USP34: variants seen among roughly 807,000 people sequenced by gnomAD.
USP34 encodes the protein ubiquitin specific peptidase 34, also known as ubiquitin carboxyl-terminal hydrolase 34.
USP34 carries 70 observed loss-of-function variants against 460.3 expected under a neutral mutation model. The observed-to-expected ratio is 0.15, with a 90% CI of 0.13 to 0.19. The LOEUF (loss-of-function observed/expected upper bound fraction) is 0.19. Ranked by LOEUF, USP34 falls within the 10% of genes least tolerant of loss-of-function variation. USP34 has a pLI of 1.00. For missense variants in USP34, 3,985 were observed against 4,236.2 expected (o/e 0.94, Z 1.65); for synonymous variants, 1,647 against 1,405.3 (o/e 1.17, Z -3.85).
chr2:61,469,711 G>C (rs944891834), intron 1 of USP34, among the ~76,000 whole-genome samples: 5 of 152,192 alleles, frequency 3.3e-5, no homozygotes, highest in African/African-American at 1.2e-4. Flanking sequence ...CACATAAACT[G>C]TTCATAAGTG....
At chr2:61,355,902 G>A (rs1285586080) in intron 10 of USP34, among the ~76,000 whole-genome samples, 2 of 152,234 alleles carry the variant, frequency 1.3e-5, no homozygotes, top group Non-Finnish European at 1.5e-5. Context: ...TAATGTGAAA[G>A]GACAGAAAAA....
intron 20 of USP34, among the ~76,000 whole-genome samples, chr2:61,330,680 C>G (rs1691232677): frequency 6.6e-6 from 1 of 152,180 alleles, no homozygotes; most frequent in Non-Finnish European, 1.5e-5. Context: ...CAGAAATCTT[C>G]TGAATCTCCT....
Position 61,194,334 on chromosome 2 carries a change from C to G in USP34, c.9509-1354G>C. 17 of 980,802 alleles carry G rather than the reference C, an allele frequency of 1.7e-5. No individual in the cohort carries two copies. The South Asian group carries it at 2.4e-4, about 14-fold the overall frequency. 60.8% of individuals were successfully genotyped at this position (980,802 alleles called of 1,614,324 possible). Reference sequence around the variant, plus strand: ...CGGTATCACCACACACATAGGTAAACAAGGACATGTCATCACATCTGTGGC... The same window carrying G: ...CGGTATCACCACACACATAGGTAAAGAAGGACATGTCATCACATCTGTGGC... On this transcript the variant is annotated intron_variant, in intron 75 of 79. Transcript: ENST00000398571.
chr2:61,328,432 T>C (rs1463518228), intron 20 of USP34, among the ~76,000 whole-genome samples: 1 of 152,148 alleles, frequency 6.6e-6, no homozygotes, highest in Non-Finnish European at 1.5e-5. Flanking sequence ...ATTTCAGAAC[T>C]TTCCTATTTT....
chr2:61,323,584 G>A (rs889576645), intron 21 of USP34, among the ~76,000 whole-genome samples: 1 of 152,036 alleles, frequency 6.6e-6, no homozygotes, highest in African/African-American at 2.4e-5. Context: ...TCTGGAGACT[G>A]AGGTGGGAGG....
At chr2:61,280,749 A>G (rs1162770854) in intron 38 of USP34, among the ~76,000 whole-genome samples, 1 of 152,194 alleles carries the variant, frequency 6.6e-6, no homozygotes, top group African/African-American at 2.4e-5. Context: ...CATAAAGATA[A>G]AAAGAAAACT....
intron 1 of USP34, among the ~76,000 whole-genome samples, chr2:61,423,344 A>G (rs1013415229): frequency 2.0e-5 from 3 of 152,082 alleles, no homozygotes; most frequent in South Asian, 2.1e-4. Context: ...ACTCCTGATC[A>G]TAAGTGATAT....
At chr2:61,326,318 G>A (rs970113660) in intron 20 of USP34, among the ~76,000 whole-genome samples, 2 of 152,042 alleles carry the variant, frequency 1.3e-5, no homozygotes, top group African/African-American at 2.4e-5. Flanking sequence ...AGTGATTCTC[G>A]TGCCTTAGCC....
At chr2:61,309,614 A>T (rs1403783980) in intron 27 of USP34, among the ~76,000 whole-genome samples, 1 of 152,176 alleles carries the variant, frequency 6.6e-6, no homozygotes, top group Non-Finnish European at 1.5e-5. Flanking sequence ...AGTGCTAGTG[A>T]GATTCCTGCT....
intron 68 of USP34, among the ~76,000 whole-genome samples, chr2:61,213,523 C>T (rs1381914085): frequency 6.6e-6 from 1 of 152,142 alleles, no homozygotes. Flanking sequence ...TAATATAAAA[C>T]CTACAAGTAA....
chr2:61,193,594 C>T (rs1187503179), intron 75 of USP34, among the ~76,000 whole-genome samples: 2 of 152,100 alleles, frequency 1.3e-5, no homozygotes, highest in East Asian at 1.9e-4. Context: ...TTGACTATTC[C>T]AGATGTAAAA....
chr2:61,466,746 T>C lies in USP34; in HGVS notation c.43+3904A>G, dbSNP rs933851096. On this transcript the variant is annotated intron_variant, in intron 1 of 79. Coordinates refer to ENST00000398571, the MANE Select transcript of USP34 (RefSeq NM_014709.4). ...GGCCAACATGGCAAAATCCCACCTC[T>C]ACTAAAAATACAAAAATTAGCCAGG... Among the ~76,000 whole-genome samples, 4 of 151,982 alleles carry C rather than the reference T, an allele frequency of 2.6e-5. No individual in the cohort carries two copies. The East Asian group carries it at 7.7e-4, about 29-fold the overall frequency.
At chr2:61,371,539 T>TTA (rs1167557239) in intron 8 of USP34, among the ~76,000 whole-genome samples, 1 of 151,818 alleles carries the variant, frequency 6.6e-6, no homozygotes, top group Non-Finnish European at 1.5e-5. Flanking sequence ...GTTTTAAATG[T>TTA]TATTATAAGA....
At chr2:61,205,062 T>C (rs1328867128) in intron 72 of USP34, among the ~76,000 whole-genome samples, 1 of 152,168 alleles carries the variant, frequency 6.6e-6, no homozygotes, top group Non-Finnish European at 1.5e-5. Context: ...CTTGCTATGT[T>C]GCCCAGGCTG....
Position 61,187,841 on chromosome 2 carries a change from T to A in USP34, c.*261A>T, listed in dbSNP as rs1405495321. The stretch of plus-strand genomic sequence containing the variant: ...ACCCTGTTCTTCCCAGACAGCCATA[T>A]TAAATGAAAGCCACTAAAGTGAACT... On this transcript the variant is annotated 3_prime_UTR_variant, in exon 80 of 80. Coordinates refer to ENST00000398571, the MANE Select transcript of USP34 (RefSeq NM_014709.4). 1.6e-6 allele frequency: 2 copies of A among 1,212,776 alleles called. No individual in the cohort carries two copies. Among genetic ancestry groups the A allele is most frequent in the East Asian group, 7.5e-5 (2 of 26,536 alleles). The allele number at this position is 1,212,776 out of a possible 1,614,324, so 75.1% of individuals were successfully genotyped here.
At chr2:61,190,037 C>T (rs1558456293) in intron 78 of USP34, 2 of 418,892 alleles carry the variant, frequency 4.8e-6, no homozygotes, top group Non-Finnish European at 8.2e-6. Context: ...AAGATGTTCC[C>T]TTTATTACCT....
chr2:61,459,389 T>C (rs1695533367), intron 1 of USP34, among the ~76,000 whole-genome samples: 1 of 152,190 alleles, frequency 6.6e-6, no homozygotes, highest in Non-Finnish European at 1.5e-5. Context: ...GCTACAGAAG[T>C]GTATTATCAT....
intron 1 of USP34, among the ~76,000 whole-genome samples, chr2:61,453,399 G>A (rs1443764948): frequency 2.0e-5 from 3 of 151,412 alleles, no homozygotes; most frequent in South Asian, 4.2e-4. Flanking sequence ...AGACGACAGA[G>A]TAAGACCCTG....
chr2:61,380,774 T>C lies in USP34; in HGVS notation c.822-413A>G, dbSNP rs556756238. Reference sequence around the variant, plus strand: ...GCTAGAAAAGCCTTTGAGCTTGCCTTCTCTTGCTGGGAACTCTAATCACCA... The same window carrying C: ...GCTAGAAAAGCCTTTGAGCTTGCCTCCTCTTGCTGGGAACTCTAATCACCA... On this transcript the variant is annotated intron_variant, in intron 6 of 79. Transcript: ENST00000398571. Among the ~76,000 whole-genome samples the C allele has an allele frequency of 1.4e-4, 21 of 152,324 alleles. No individual in the cohort carries two copies. The South Asian group carries it at 3.5e-3, about 26-fold the overall frequency.
Sources: allele counts gnomAD v4.1 joint callset (sites outside exome capture counted in the v4.1 genomes callset), GRCh38; gene constraint gnomAD v4.1.1; transcripts MANE v1.5; gene names NCBI Gene and HGNC (gene_info 2026-07-23, HGNC 2026-07-21).